The following CRTAC1 variants were observed in gnomAD, a reference collection of about 807,000 sequenced individuals.
The protein encoded by CRTAC1 is acidic secreted protein in cartilage.
CRTAC1 carries 37 observed loss-of-function variants against 67.8 expected under a neutral mutation model. The observed-to-expected ratio is 0.55, with a 90% confidence interval of 0.42 to 0.72. The LOEUF (loss-of-function observed/expected upper bound fraction) is 0.72. CRTAC1 is among the 30% of genes least tolerant of loss of function. The probability of loss-of-function intolerance (pLI) is 0.00; values close to 1 mark genes in which losing one functional copy is unlikely to be tolerated. For synonymous variants in CRTAC1, 348 were observed against 371.0 expected, an observed-to-expected ratio of 0.94 and a Z score of 0.71; for missense variants, 780 against 931.6, an observed-to-expected ratio of 0.84 and a Z score of 2.12.
chr10:97,922,316 C>A (rs2050852377), intron 4 of CRTAC1, among the ~76,000 whole-genome samples: 1 of 152,326 alleles, frequency 6.6e-6, no homozygotes. Context: ...ATACCTGGCA[C>A]CTGCCTTCTC....
At chr10:97,945,307 G>T (rs2051246786) in intron 2 of CRTAC1, among the ~76,000 whole-genome samples, 1 of 152,150 alleles carries the variant, frequency 6.6e-6, no homozygotes, top group East Asian at 1.9e-4. Flanking sequence ...AGGGATCCCA[G>T]AAACTCCTGT....
intron 2 of CRTAC1, among the ~76,000 whole-genome samples, chr10:97,985,993 C>T (rs775350095): frequency 7.9e-5 from 12 of 152,288 alleles, no homozygotes; most frequent in East Asian, 1.9e-4. Context: ...AGCACCAATG[C>T]GGACCACAAT....
intron 2 of CRTAC1, among the ~76,000 whole-genome samples, chr10:97,958,461 G>GT (rs375155676): frequency 0.012 from 1,856 of 152,214 alleles, 40 homozygotes; most frequent in African/African-American, 0.041. Context: ...GAATCTCCTT[G>GT]TTTTTTTGTT....
rs71007373 is a variant in CRTAC1 at position 98,018,199 on chromosome 10, C to CAAAAAA, written c.25-6868_25-6863dup. ...TCTGGGTGACAGAGCAAGATGCCCG[C>CAAAAAA]AAAAAAAAAAAAAAAAAAAAAAAAA... On this transcript the variant is annotated intron_variant, in intron 1 of 14. Coordinates refer to ENST00000370597, the MANE Select transcript of CRTAC1 (RefSeq NM_018058.7). Among the ~76,000 whole-genome samples the CAAAAAA allele has an allele frequency of 1.1e-3, 54 of 48,638 alleles. 4 individuals are homozygous for CAAAAAA. Among genetic ancestry groups the CAAAAAA allele is most frequent in the African/African-American group, 1.9e-3 (20 of 10,514 alleles). 31.9% of individuals were successfully genotyped at this position (48,638 alleles called of 152,430 possible).
At chr10:97,956,098 T>C (rs1387779592) in intron 2 of CRTAC1, among the ~76,000 whole-genome samples, 3 of 152,196 alleles carry the variant, frequency 2.0e-5, no homozygotes, top group Non-Finnish European at 4.4e-5. Flanking sequence ...TGCTTCCAGA[T>C]TGGATGAAAC....
chr10:97,884,921 C>T (rs1211513336), intron 11 of CRTAC1, among the ~76,000 whole-genome samples: 3 of 152,216 alleles, frequency 2.0e-5, no homozygotes, highest in Non-Finnish European at 2.9e-5. Context: ...CCCAGCTGTG[C>T]AGCTAACTGG....
chr10:97,866,999 G>A (rs2050035183), intron 14 of CRTAC1: 1 of 152,180 alleles, frequency 6.6e-6, no homozygotes, highest in African/African-American at 2.4e-5. Context: ...GGGCTACCAG[G>A]GAACATACTC....
rs75423012 is a variant in CRTAC1, at chr10:97,909,729, G to A, written c.716-1582C>T. ...TATATATCCAAAGGAAATGAAATCA[G>A]TGTGTTGAAGAGATACCTGCACTCT... On this transcript the variant is annotated intron_variant, in intron 5 of 14. Coordinates refer to ENST00000370597, the MANE Select transcript of CRTAC1 (RefSeq NM_018058.7). Among the ~76,000 whole-genome samples, 890 of 152,286 alleles carry A rather than the reference G, an allele frequency of 5.8e-3. 30 individuals are homozygous for A. Among genetic ancestry groups the A allele is most frequent in the Admixed American group, 0.038 (574 of 15,300 alleles).
chr10:97,982,102 T>A (rs1255747762), intron 2 of CRTAC1, among the ~76,000 whole-genome samples: 1 of 152,184 alleles, frequency 6.6e-6, no homozygotes, highest in Non-Finnish European at 1.5e-5. Context: ...GCAAGAAAAA[T>A]TCAGAAACCA....
At chr10:97,932,339 G>A (rs1001287329) in intron 3 of CRTAC1, among the ~76,000 whole-genome samples, 9 of 152,110 alleles carry the variant, frequency 5.9e-5, no homozygotes, top group African/African-American at 2.2e-4. Context: ...TATCTCAGGT[G>A]TTCATTCAAA....
chr10:97,893,384 T>G (rs1383334004), intron 11 of CRTAC1, among the ~76,000 whole-genome samples: 2 of 152,160 alleles, frequency 1.3e-5, no homozygotes, highest in Non-Finnish European at 2.9e-5. Context: ...AGGTGTCTGA[T>G]TTTGAACCTA....
At chr10:97,972,880 A>G (rs2051737804) in intron 2 of CRTAC1, among the ~76,000 whole-genome samples, 1 of 152,180 alleles carries the variant, frequency 6.6e-6, no homozygotes, top group Non-Finnish European at 1.5e-5. Flanking sequence ...ATTCCAAGAC[A>G]TTGATGGAAT....
At chr10:97,881,464 T>C (rs2050213374) in intron 13 of CRTAC1, among the ~76,000 whole-genome samples, 1 of 152,194 alleles carries the variant, frequency 6.6e-6, no homozygotes. Flanking sequence ...CTTGTCCAGG[T>C]GTGTGGTCAT....
At chr10:98,003,688 C>A (rs896669314) in intron 2 of CRTAC1, among the ~76,000 whole-genome samples, 2 of 152,220 alleles carry the variant, frequency 1.3e-5, no homozygotes, top group African/African-American at 2.4e-5. Context: ...GGTAAGATAA[C>A]CTATTGGTGG....
intron 14 of CRTAC1, 110 bp from the exon 15 acceptor site, chr10:97,865,824 GGGA>G: frequency 8.2e-7 from 1 of 1,220,894 alleles, no homozygotes. Context: ...TGCCCGGGGT[GGGA>G]GGGAGGGTGA....
intron 4 of CRTAC1, among the ~76,000 whole-genome samples, chr10:97,922,045 G>A (rs943468528): frequency 2.0e-5 from 3 of 152,046 alleles, no homozygotes; most frequent in African/African-American, 7.2e-5. Flanking sequence ...AGTTGCCCAC[G>A]TTAGCTGAGT....
Position 97,975,466 on chromosome 10 carries a change from G to C in CRTAC1, c.224+35672C>G, listed in dbSNP as rs1423506120. On this transcript the variant is annotated intron_variant, in intron 2 of 14. Coordinates refer to ENST00000370597, the MANE Select transcript of CRTAC1 (RefSeq NM_018058.7). This position sits in a 1 kb window ranked among gnomAD's most constrained non-coding sequence, Gnocchi z 4.8. ...ACCTCGCTTTCTTCTTCTTCTTCAG[G>C]GAAGAAGCAGCTGGAAGACTCAACA... Among the ~76,000 whole-genome samples, 1 of 152,076 alleles carries C rather than the reference G, an allele frequency of 6.6e-6. No individual in the cohort carries two copies. Among genetic ancestry groups the C allele is most frequent in the Non-Finnish European group, 1.5e-5 (1 of 68,014 alleles).
At chr10:97,998,539 A>T (rs1842628614) in intron 2 of CRTAC1, among the ~76,000 whole-genome samples, 2 of 152,220 alleles carry the variant, frequency 1.3e-5, no homozygotes, top group Admixed American at 1.3e-4. Flanking sequence ...GAAATTGTGC[A>T]TACAGAAAAA....
chr10:97,899,948 G>A lies in CRTAC1; in HGVS notation c.1133+1555C>T, dbSNP rs139562099. 2.7e-3 allele frequency among the ~76,000 whole-genome samples: 405 copies of A among 152,314 alleles called. 1 individual carries two copies. The highest frequency in any genetic ancestry group is 9.1e-3 in the African/African-American group (379 of 41,560). ...TATCCAGGACTCATGGGGAGACCCT[G>A]AGCTCAGTTCCCCAACAGTGGTTCT... On this transcript the variant is annotated intron_variant, in intron 8 of 14. Transcript: ENST00000370597.
Sources: gnomAD v4.1 joint callset for allele counts (sites outside exome capture counted in the v4.1 genomes callset) on GRCh38, gnomAD v4.1.1 for gene constraint, Gnocchi (gnomAD v3.1) non-coding constraint, MANE v1.5 for transcripts, NCBI Gene and HGNC (gene_info 2026-07-23, HGNC 2026-07-21) for gene names.